The following NRG3 variants were observed in gnomAD, a reference collection of about 807,000 sequenced individuals.
The protein encoded by NRG3 is neuregulin 3, also known as pro-neuregulin-3, membrane-bound isoform.
In NRG3, 31 loss-of-function variants were observed where a neutral mutation model predicts 66.9. That is an observed-to-expected ratio of 0.46 (90% CI 0.35 to 0.63). NRG3 has a LOEUF of 0.63. Ranked by LOEUF, NRG3 falls within the 20% of genes least tolerant of loss-of-function variation. The pLI is 0.00. For synonymous variants in NRG3, 393 were observed against 359.4 expected (o/e 1.09, Z -1.06); for missense variants, 910 against 878.9 (o/e 1.04, Z -0.45).
At chr10:81,902,388 T>C (rs1351916082) in intron 1 of NRG3, among the ~76,000 whole-genome samples, 1 of 152,148 alleles carries the variant, frequency 6.6e-6, no homozygotes, top group Non-Finnish European at 1.5e-5. Flanking sequence ...CCCCATATGC[T>C]GGTATTAGGA....
At chr10:82,302,706 A>G (rs2080471753) in intron 1 of NRG3, among the ~76,000 whole-genome samples, 1 of 152,190 alleles carries the variant, frequency 6.6e-6, no homozygotes, top group Admixed American at 6.5e-5. Context: ...ACTTCTTGCA[A>G]ACAAACTAGC....
intron 2 of NRG3, among the ~76,000 whole-genome samples, chr10:82,468,811 A>T (rs1455929636): frequency 6.6e-6 from 1 of 152,052 alleles, no homozygotes; most frequent in East Asian, 1.9e-4. Flanking sequence ...TTTGGTGGTC[A>T]TGGGGAAGGA....
At chr10:82,531,652 T>A (rs1375897310) in intron 2 of NRG3, among the ~76,000 whole-genome samples, 1 of 151,886 alleles carries the variant, frequency 6.6e-6, no homozygotes, top group East Asian at 1.9e-4. Flanking sequence ...TCATCTGTGA[T>A]AATAATGACA....
intron 1 of NRG3, among the ~76,000 whole-genome samples, chr10:82,346,691 G>T (rs1259678350): frequency 1.3e-5 from 2 of 150,800 alleles, no homozygotes; most frequent in Non-Finnish European, 3.0e-5. Flanking sequence ...AATCCATCTG[G>T]TCCTGGACTC....
intron 2 of NRG3, among the ~76,000 whole-genome samples, chr10:82,693,489 C>A (rs567331185): frequency 6.6e-6 from 1 of 152,274 alleles, no homozygotes; most frequent in African/African-American, 2.4e-5. Flanking sequence ...CACATCGTGG[C>A]TCCATGTCTT....
chr10:82,102,002 C>A (rs1387064880), intron 1 of NRG3, among the ~76,000 whole-genome samples: 3 of 108,734 alleles, frequency 2.8e-5, no homozygotes, highest in Admixed American at 9.0e-5. Flanking sequence ...TATATGTGTG[C>A]GTATATATAT....
At chr10:82,837,928 G>A (rs1283145296) in intron 3 of NRG3, among the ~76,000 whole-genome samples, 3 of 152,138 alleles carry the variant, frequency 2.0e-5, no homozygotes, top group Non-Finnish European at 4.4e-5. Context: ...GTACCTGCAT[G>A]TACGCATTCT....
chr10:82,929,414 G>T (rs1010848049), intron 4 of NRG3, among the ~76,000 whole-genome samples: 1 of 152,114 alleles, frequency 6.6e-6, no homozygotes, highest in Non-Finnish European at 1.5e-5. Context: ...CAATCCCCAG[G>T]TATAAGATTT....
intron 1 of NRG3, among the ~76,000 whole-genome samples, chr10:82,114,833 A>G (rs11816252): frequency 0.14 from 20,676 of 152,120 alleles, 1,624 homozygotes; most frequent in Non-Finnish European, 0.18. Context: ...AAGCTCCTCA[A>G]GGGCCAAGCC....
chr10:81,974,322 GA>G (rs2060038556), intron 1 of NRG3, among the ~76,000 whole-genome samples: 1 of 151,374 alleles, frequency 6.6e-6, no homozygotes, highest in Non-Finnish European at 1.5e-5. Flanking sequence ...AACAACCAGA[GA>G]AAAAAAAGAC....
chr10:82,389,044 TACTCATTA>T (rs2086189917), intron 2 of NRG3, among the ~76,000 whole-genome samples: 1 of 152,180 alleles, frequency 6.6e-6, no homozygotes, highest in Non-Finnish European at 1.5e-5. Context: ...ATACTAGAAC[TACTCATTA>T]ACTGGTTAGC....
At chr10:82,838,516 C>T (rs906724070) in intron 3 of NRG3, among the ~76,000 whole-genome samples, 2 of 152,046 alleles carry the variant, frequency 1.3e-5, no homozygotes, top group African/African-American at 4.8e-5. Flanking sequence ...CAGTCTCATG[C>T]TCAACAAAGA....
intron 2 of NRG3, among the ~76,000 whole-genome samples, chr10:82,565,987 G>T (rs2045380087): frequency 6.6e-6 from 1 of 152,058 alleles, no homozygotes; most frequent in South Asian, 2.1e-4. Context: ...ATTCGCCATA[G>T]AGATGATTGA....
intron 1 of NRG3, among the ~76,000 whole-genome samples, chr10:82,102,018 T>TATATATATATATATAC (rs1283027741): frequency 6.9e-6 from 1 of 145,174 alleles, no homozygotes; most frequent in Non-Finnish European, 1.5e-5. Flanking sequence ...TATATATATA[T>TATATATATATATATAC]ACGCACACAT....
intron 2 of NRG3, among the ~76,000 whole-genome samples, chr10:82,624,171 T>C (rs929665051): frequency 6.6e-6 from 1 of 152,160 alleles, no homozygotes; most frequent in Non-Finnish European, 1.5e-5. Context: ...ATAATATTCA[T>C]AAAAGCCCTC....
intron 2 of NRG3, among the ~76,000 whole-genome samples, chr10:82,424,623 T>G (rs2136266187): frequency 6.6e-6 from 1 of 152,192 alleles, no homozygotes; most frequent in East Asian, 1.9e-4. Context: ...TCCTTTAAAG[T>G]GCAAAAGAGT....
chr10:82,047,910 C>T (rs1201447873), intron 1 of NRG3, among the ~76,000 whole-genome samples: 1 of 151,916 alleles, frequency 6.6e-6, no homozygotes, highest in Admixed American at 6.6e-5. Context: ...GAAGATCTAC[C>T]AAGCAAATGG....
intron 3 of NRG3, among the ~76,000 whole-genome samples, chr10:82,786,057 G>A (rs983144322): frequency 3.9e-5 from 6 of 152,232 alleles, no homozygotes; most frequent in Admixed American, 6.5e-5. Flanking sequence ...GTGCCACCCC[G>A]GAGAGCCTCC....
At chr10:81,960,033 T>G (rs552568892) in intron 1 of NRG3, among the ~76,000 whole-genome samples, 3 of 152,328 alleles carry the variant, frequency 2.0e-5, no homozygotes, top group South Asian at 4.1e-4. Flanking sequence ...GTGGGTTACA[T>G]TCATTTCTCC....
Sources: allele counts gnomAD v4.1 joint callset (sites outside exome capture counted in the v4.1 genomes callset), GRCh38; gene constraint gnomAD v4.1.1; transcripts MANE v1.5; gene names NCBI Gene and HGNC (gene_info 2026-07-23, HGNC 2026-07-21).